BBOF1: variants seen among roughly 807,000 people sequenced by gnomAD.
BBOF1 encodes basal body-orientation factor 1.
BBOF1 carries 62 observed loss-of-function variants against 68.0 expected under a neutral mutation model. The observed-to-expected ratio is 0.91, with a 90% CI of 0.74 to 1.13. The LOEUF is 1.13. Among genes scored for constraint, BBOF1 ranks in the 50% most tolerant of loss-of-function variants. The probability of loss-of-function intolerance (pLI) is 0.00; values close to 1 mark genes in which losing one functional copy is unlikely to be tolerated. For missense variants in BBOF1, 534 were observed against 600.1 expected (o/e 0.89, Z 1.15); for synonymous variants, 208 against 198.8 (o/e 1.05, Z -0.39).
chr14:74,072,228 T>C (rs141954288), intron 9 of BBOF1: 1 of 1,614,118 alleles, frequency 6.2e-7, no homozygotes, highest in African/African-American at 1.3e-5. Flanking sequence ...AAGTTGTTGA[T>C]AGCGGAGCAA....
At chr14:74,071,287 C>T (rs139008908) in intron 9 of BBOF1, 14 of 1,614,172 alleles carry the variant, frequency 8.7e-6, no homozygotes, top group African/African-American at 6.7e-5. Flanking sequence ...TCCAGGGACT[C>T]GCTCAGATGG....
intron 4 of BBOF1, among the ~76,000 whole-genome samples, chr14:74,036,819 C>T (rs1206687253): frequency 6.6e-6 from 1 of 152,082 alleles, no homozygotes; most frequent in Non-Finnish European, 1.5e-5. Context: ...ATCACCCATC[C>T]ACCTCCATAC....
At chr14:74,050,482 C>T (rs2060042224) in intron 8 of BBOF1, among the ~76,000 whole-genome samples, 1 of 152,062 alleles carries the variant, frequency 6.6e-6, no homozygotes, top group African/African-American at 2.4e-5. Context: ...TATATAAGGT[C>T]ATTATGTATC....
chr14:74,032,785 T>A (rs1215458397), intron 3 of BBOF1, among the ~76,000 whole-genome samples: 1 of 151,766 alleles, frequency 6.6e-6, no homozygotes, highest in African/African-American at 2.4e-5. Context: ...AGCCACCACG[T>A]CTGGCCCAAT....
chr14:74,076,519 G>A (rs1308369246), intron 9 of BBOF1, among the ~76,000 whole-genome samples: 2 of 151,768 alleles, frequency 1.3e-5, no homozygotes, highest in East Asian at 3.9e-4. Flanking sequence ...CTGCCACCAC[G>A]CCCAGCTAAT....
At chr14:74,047,526 T>G (rs1355214002) in intron 6 of BBOF1, among the ~76,000 whole-genome samples, 1 of 152,056 alleles carries the variant, frequency 6.6e-6, no homozygotes, top group Non-Finnish European at 1.5e-5. Flanking sequence ...CTTGACTTCT[T>G]GGGCTCAAGT....
intron 3 of BBOF1, among the ~76,000 whole-genome samples, chr14:74,032,189 C>T (rs566363116): frequency 1.4e-5 from 2 of 142,584 alleles, no homozygotes; most frequent in East Asian, 4.5e-4. Flanking sequence ...TGCAGTGGCA[C>T]GATCTCGGCT....
chr14:74,037,839 C>T (rs1166900260), intron 4 of BBOF1, among the ~76,000 whole-genome samples: 1 of 151,754 alleles, frequency 6.6e-6, no homozygotes, highest in East Asian at 1.9e-4. Context: ...CCTGTAATCC[C>T]AGCTACTCGG....
In BBOF1 at chr14:74,072,420, A is replaced by G. The variant is rs139517426; in HGVS notation, n.1380-5776A>G. Reference sequence around the variant, plus strand: ...GCCTGACTCACCTTCTCCACTGTACATCCAGTCACAGAAGTGGCACTATGT... The same window carrying G: ...GCCTGACTCACCTTCTCCACTGTACGTCCAGTCACAGAAGTGGCACTATGT... On this transcript the variant is annotated intron_variant and non_coding_transcript_variant, in intron 9 of 12. Transcript: ENST00000492026. The G allele has an allele frequency of 7.5e-3, 12,145 of 1,613,872 alleles. 100 individuals carry two copies. Among genetic ancestry groups the G allele is most frequent in the Middle Eastern group, 0.04 (243 of 6,062 alleles).
chr14:74,030,933 T>G (rs368205955), intron 3 of BBOF1, among the ~76,000 whole-genome samples: 5,135 of 147,184 alleles, frequency 0.035, 139 homozygotes, highest in African/African-American at 0.078. Context: ...TATATATATA[T>G]ATATATAGAG....
chr14:74,042,253 A>C (rs1272484717), intron 5 of BBOF1, among the ~76,000 whole-genome samples: 1 of 152,158 alleles, frequency 6.6e-6, no homozygotes, highest in Non-Finnish European at 1.5e-5. Context: ...ACCTGGAGGA[A>C]ATGAGGCAAG....
intron 9 of BBOF1, chr14:74,071,227 C>T: frequency 6.2e-7 from 1 of 1,614,104 alleles, no homozygotes; most frequent in South Asian, 1.1e-5. Context: ...GTTTAATGTT[C>T]CATCAGGGGC....
chr14:74,060,078 G>T (rs1308842842), intron 11 of BBOF1: 1 of 157,676 alleles, frequency 6.3e-6, no homozygotes, highest in Non-Finnish European at 1.4e-5. Context: ...CAAAAGCGGT[G>T]AGTTATTTCT....
In BBOF1 at chr14:74,028,467, TACACACACACACAC is replaced by T. The variant is rs34677110; in HGVS notation, c.286-685_286-672del. ...ACATTACCCTTTACCACTAAAGAAA[TACACACACACACAC>T]ACACACACACACACACACACACACA... On this transcript the variant is annotated intron_variant, in intron 2 of 11. Transcript: ENST00000394009. Among the ~76,000 whole-genome samples, 956 of 138,292 alleles carry T rather than the reference TACACACACACACAC, an allele frequency of 6.9e-3. 9 individuals carry two copies. The highest frequency in any genetic ancestry group is 0.024 in the African/African-American group (891 of 37,134). The allele number at this position is 138,292 out of a possible 152,430, so 90.7% of individuals were successfully genotyped here. A position where few individuals can be genotyped will look rare whatever the true frequency, so the allele number is the denominator to read the frequency against.
At chr14:74,068,764 T>G, downstream of BBOF1, 1 of 1,393,394 alleles carries the variant, frequency 7.2e-7, no homozygotes, top group Non-Finnish European at 1.0e-6. Flanking sequence ...AACACTGACA[T>G]TGGAGTGGGA....
rs189817932 is a variant in BBOF1, at chr14:74,057,022, C to T, written c.1463+42C>T. 1.3e-5 allele frequency: 21 copies of T among 1,581,692 alleles called. No individual in the cohort carries two copies. The East Asian group carries it at 4.0e-4, about 30-fold the overall frequency. On this transcript the variant is annotated intron_variant, in intron 10 of 11. Coordinates refer to ENST00000394009, the MANE Select transcript of BBOF1 (RefSeq NM_025057.3). ...TTAAGTAATAAACATGAGCCCAACA[C>T]GATGGTTCTTGTGGGCATCTTGAAT... is the stretch of plus-strand genomic sequence containing the variant.
chr14:74,065,766 T>C lies in BBOF1; in HGVS notation c.*1067T>C. On this transcript the variant is annotated 3_prime_UTR_variant, in exon 12 of 12. Transcript: ENST00000394009. ...AATTTTTCTCTTTACAGAAACCCCATGCTGTTTTCTGTAACATAAATAATC... is the reference window on the plus strand; with the variant it reads ...AATTTTTCTCTTTACAGAAACCCCACGCTGTTTTCTGTAACATAAATAATC... The C allele has an allele frequency of 4.8e-6, 1 of 209,240 alleles. No individual in the cohort carries two copies. The highest frequency in any genetic ancestry group is 9.8e-6 in the Non-Finnish European group (1 of 102,146). 13.0% of individuals were successfully genotyped at this position (209,240 alleles called of 1,614,324 possible). A position where few individuals can be genotyped will look rare whatever the true frequency, so the allele number is the denominator to read the frequency against.
intron 8 of BBOF1, among the ~76,000 whole-genome samples, chr14:74,054,493 C>T (rs201905701): frequency 6.6e-6 from 1 of 151,844 alleles, no homozygotes; most frequent in Non-Finnish European, 1.5e-5. Flanking sequence ...ATTCTCCTGC[C>T]TCAGCCTCCT....
chr14:74,062,684 T>A (rs1387898868), intron 11 of BBOF1, among the ~76,000 whole-genome samples: 1 of 152,202 alleles, frequency 6.6e-6, no homozygotes, highest in Non-Finnish European at 1.5e-5. Flanking sequence ...TGTTGACTTC[T>A]TAACCATTTG....
Sources: gnomAD v4.1 joint callset for allele counts (sites outside exome capture counted in the v4.1 genomes callset) on GRCh38, gnomAD v4.1.1 for gene constraint, MANE v1.5 for transcripts, NCBI Gene and HGNC (gene_info 2026-07-23, HGNC 2026-07-21) for gene names.